CAST: variants seen among roughly 807,000 people sequenced by gnomAD.
The protein encoded by CAST is calpastatin, also known as MIR583 host.
A neutral mutation model predicts 119.6 loss-of-function variants in CAST; 76 were observed. That is an observed-to-expected ratio of 0.64 (90% CI 0.53 to 0.77). CAST has a LOEUF of 0.77. CAST is among the 30% of genes least tolerant of loss of function. CAST has a pLI of 0.00. For synonymous variants in CAST, 319 were observed against 331.6 expected (o/e 0.96, Z 0.41); for missense variants, 953 against 946.5 (o/e 1.01, Z -0.09).
intron 2 of CAST, among the ~76,000 whole-genome samples, chr5:96,685,669 T>C (rs1751995264): frequency 6.6e-6 from 1 of 152,220 alleles, no homozygotes; most frequent in African/African-American, 2.4e-5. Flanking sequence ...TGTTTCTCAT[T>C]TTTCAGGATA....
At chr5:96,370,785 C>T in the CAST span, among the ~76,000 whole-genome samples, 2 of 152,176 alleles carry the variant, frequency 1.3e-5, no homozygotes, top group African/African-American at 4.8e-5. Flanking sequence ...AAAGCAAATC[C>T]ACAAGCAAAA....
chr5:96,646,909 G>A (rs1464456334), intron 1 of CAST, among the ~76,000 whole-genome samples: 2 of 152,202 alleles, frequency 1.3e-5, no homozygotes, highest in African/African-American at 2.4e-5. Flanking sequence ...TTAGCCAAAC[G>A]ATAGGAGGTG....
chr5:96,594,762 G>A (rs1747027018), intron 1 of CAST, among the ~76,000 whole-genome samples: 1 of 152,118 alleles, frequency 6.6e-6, no homozygotes, highest in Non-Finnish European at 1.5e-5. Flanking sequence ...AGTAAACTCT[G>A]TTTTTGTTTT....
chr5:96,166,294 ATATCAT>A, the CAST span, among the ~76,000 whole-genome samples: 560 of 152,370 alleles, frequency 3.7e-3, 3 homozygotes, highest in African/African-American at 0.013. Flanking sequence ...TTCATTTTAA[ATATCAT>A]TAATATAGTT....
At chr5:96,042,384 A>G in the CAST span, among the ~76,000 whole-genome samples, 1 of 152,180 alleles carries the variant, frequency 6.6e-6, no homozygotes, top group Non-Finnish European at 1.5e-5. Context: ...ATTGTCCTCC[A>G]GTTTATTTCT....
At chr5:96,359,303 C>T in the CAST span, among the ~76,000 whole-genome samples, 56,195 of 151,960 alleles carry the variant, frequency 0.37, 10,601 homozygotes, top group Admixed American at 0.44. Flanking sequence ...GCCAGTCTGT[C>T]TTTTAATTGG....
chr5:96,324,758 AT>A, the CAST span, among the ~76,000 whole-genome samples: 11 of 149,916 alleles, frequency 7.3e-5, no homozygotes, highest in East Asian at 5.8e-4. Context: ...TTGAGAACTC[AT>A]TTTTTTTTTC....
At position 96,747,393 on chromosome 5, in the gene CAST, G is replaced by T; in HGVS notation, c.1332+1G>T. ...GCCAGAGCCTGAAGAAAAACCCAAG[G>T]TTAGGAAATACATTTTTTTCTGATA... On this transcript the variant is annotated splice_donor_variant, in intron 18 of 31. Transcript: ENST00000675179. LOFTEE classifies it high-confidence loss of function. 1 of 1,568,474 alleles carries T rather than the reference G, an allele frequency of 6.4e-7. No individual in the cohort carries two copies. Among genetic ancestry groups the T allele is most frequent in the Non-Finnish European group, 8.8e-7 (1 of 1,139,584 alleles).
At chr5:96,250,572 A>T in the CAST span, among the ~76,000 whole-genome samples, 1 of 152,126 alleles carries the variant, frequency 6.6e-6, no homozygotes, top group Non-Finnish European at 1.5e-5. Flanking sequence ...GTTGGTCAGA[A>T]TTGCATCACA....
At chr5:96,508,054 T>C in the CAST span, among the ~76,000 whole-genome samples, 1 of 150,848 alleles carries the variant, frequency 6.6e-6, no homozygotes, top group Admixed American at 6.6e-5. Flanking sequence ...AGAGACAGGG[T>C]CTTGCTAAGT....
chr5:96,170,927 G>A, the CAST span, among the ~76,000 whole-genome samples: 3 of 152,206 alleles, frequency 2.0e-5, no homozygotes, highest in African/African-American at 4.8e-5. Context: ...AGCAGAGGCT[G>A]AGGAAGAATT....
At chr5:96,009,259 T>C in the CAST span, among the ~76,000 whole-genome samples, 1 of 152,174 alleles carries the variant, frequency 6.6e-6, no homozygotes, top group Non-Finnish European at 1.5e-5. Flanking sequence ...GTGAATAGCA[T>C]GGCAATGAAC....
intron 3 of CAST, among the ~76,000 whole-genome samples, chr5:96,712,564 A>C (rs754895638): frequency 2.0e-5 from 3 of 152,144 alleles, no homozygotes; most frequent in African/African-American, 7.2e-5. Context: ...CCTGGGCTCA[A>C]TCAATCCTCC....
the CAST span, among the ~76,000 whole-genome samples, chr5:96,418,310 G>T: frequency 2.0e-5 from 3 of 152,164 alleles, no homozygotes; most frequent in Non-Finnish European, 4.4e-5. Context: ...AACAATGGTA[G>T]TAACTGGCAT....
chr5:96,730,726 A>G (rs1469113203), intron 8 of CAST, 54 bp from the exon 9 acceptor site: 1 of 1,266,516 alleles, frequency 7.9e-7, no homozygotes, highest in African/African-American at 1.5e-5. Flanking sequence ...TGATCTTGAT[A>G]ATAGCCATGC....
the CAST span, among the ~76,000 whole-genome samples, chr5:96,296,042 TAGAG>T: frequency 3.9e-5 from 6 of 152,286 alleles, no homozygotes; most frequent in African/African-American, 9.6e-5. Flanking sequence ...CTTTTATAAT[TAGAG>T]AGAATATAAA....
chr5:96,025,957 G>T, the CAST span, among the ~76,000 whole-genome samples: 2 of 152,342 alleles, frequency 1.3e-5, no homozygotes, highest in Middle Eastern at 3.4e-3. Flanking sequence ...TAGAGGTAGG[G>T]TGTGGTGGCT....
At chr5:96,032,599 C>A in the CAST span, among the ~76,000 whole-genome samples, 10 of 152,198 alleles carry the variant, frequency 6.6e-5, no homozygotes, top group South Asian at 1.9e-3. Flanking sequence ...TTCAAGATAT[C>A]CAAGCAGAAT....
chr5:96,096,267 C>T, the CAST span, among the ~76,000 whole-genome samples: 4 of 152,146 alleles, frequency 2.6e-5, no homozygotes, highest in African/African-American at 9.7e-5. Flanking sequence ...TCCTTTGCTG[C>T]TCAAGTCATT....
Sources: allele counts gnomAD v4.1 joint callset (sites outside exome capture counted in the v4.1 genomes callset), GRCh38; gene constraint gnomAD v4.1.1; transcripts MANE v1.5; gene names NCBI Gene and HGNC (gene_info 2026-07-23, HGNC 2026-07-21).